The following PAX7 variants were observed in gnomAD, a reference collection of about 807,000 sequenced individuals.
PAX7 encodes the protein paired box 7, also known as paired box protein Pax-7.
A neutral mutation model predicts 50.7 loss-of-function variants in PAX7; 18 were observed. The observed-to-expected ratio is 0.36, with a 90% confidence interval of 0.25 to 0.53. PAX7 has a LOEUF of 0.53. Ranked by LOEUF, PAX7 falls within the 20% of genes least tolerant of loss-of-function variation. PAX7 has a pLI of 0.93. For missense variants in PAX7, 644 were observed against 702.9 expected (o/e 0.92, Z 0.95); for synonymous variants, 310 against 290.4 (o/e 1.07, Z -0.69).
At chr1:18,730,244 G>T (rs909517653) in intron 7 of PAX7, among the ~76,000 whole-genome samples, 1 of 152,214 alleles carries the variant, frequency 6.6e-6, no homozygotes, top group African/African-American at 2.4e-5. Flanking sequence ...GAAGGTTAAA[G>T]AAATTGCTCA....
intron 7 of PAX7, among the ~76,000 whole-genome samples, chr1:18,732,567 T>C (rs2089659422): frequency 6.6e-6 from 1 of 152,226 alleles, no homozygotes; most frequent in Non-Finnish European, 1.5e-5. Flanking sequence ...CTTCAAGAAA[T>C]ACCACATTGT....
chr1:18,669,668 G>T (rs1170229423), intron 4 of PAX7, among the ~76,000 whole-genome samples: 1 of 152,178 alleles, frequency 6.6e-6, no homozygotes, highest in Non-Finnish European at 1.5e-5. Context: ...AAAAAGGAAG[G>T]CTGGTGCCTG....
intron 7 of PAX7, among the ~76,000 whole-genome samples, chr1:18,715,887 T>C (rs767769924): frequency 3.3e-5 from 5 of 152,174 alleles, no homozygotes; most frequent in Non-Finnish European, 5.9e-5. Flanking sequence ...GCAGACCTCC[T>C]GTTGCAGAAT....
At chr1:18,679,113 G>A (rs1409821607) in intron 4 of PAX7, among the ~76,000 whole-genome samples, 3 of 152,206 alleles carry the variant, frequency 2.0e-5, no homozygotes, top group African/African-American at 7.2e-5. Flanking sequence ...TCTTCTCTGT[G>A]GCCTTCACAC....
At chr1:18,659,524 C>T (rs1226726618) in intron 4 of PAX7, among the ~76,000 whole-genome samples, 1 of 152,138 alleles carries the variant, frequency 6.6e-6, no homozygotes, top group Non-Finnish European at 1.5e-5. Context: ...CATTTACCTT[C>T]ACCTTCTAAG....
At chr1:18,635,933 C>T (rs1234679572) in intron 3 of PAX7, among the ~76,000 whole-genome samples, 1 of 151,918 alleles carries the variant, frequency 6.6e-6, no homozygotes, top group African/African-American at 2.4e-5. Context: ...TGGGACCTCT[C>T]GGGGGTGTGG....
chr1:18,657,103 C>A (rs1278102934), intron 4 of PAX7, among the ~76,000 whole-genome samples: 1 of 151,880 alleles, frequency 6.6e-6, no homozygotes, highest in African/African-American at 2.4e-5. Context: ...GTCCTTTTTT[C>A]TTTATTTCCC....
rs1346974530 is a variant in PAX7, at chr1:18,683,217, C to G, written c.587-8537C>G. ...CTGGGACTGAGTGAGCACACAGACACATTTGAAATGAATCAAGCGTGGATA... is the reference window on the plus strand; with the variant it reads ...CTGGGACTGAGTGAGCACACAGACAGATTTGAAATGAATCAAGCGTGGATA... On this transcript the variant is annotated intron_variant, in intron 4 of 8. Coordinates refer to ENST00000420770, the MANE Select transcript of PAX7 (RefSeq NM_001135254.2). 3.9e-5 allele frequency among the ~76,000 whole-genome samples: 6 copies of G among 152,214 alleles called. 1 individual carries two copies. Among genetic ancestry groups the G allele is most frequent in the Non-Finnish European group, 8.8e-5 (6 of 68,038 alleles).
intron 7 of PAX7, among the ~76,000 whole-genome samples, chr1:18,709,814 C>CTT (rs2089328500): frequency 6.6e-6 from 1 of 152,140 alleles, no homozygotes; most frequent in African/African-American, 2.4e-5. Flanking sequence ...GTTGTATCTG[C>CTT]CTGGTGAGGT....
rs35982827 is a variant in PAX7, at chr1:18,726,145, AGTGTGT to A, written c.1156-9458_1156-9453del. Among the ~76,000 whole-genome samples, 3,122 of 137,568 alleles carry A rather than the reference AGTGTGT, an allele frequency of 0.023. 79 individuals carry two copies. Among genetic ancestry groups the A allele is most frequent in the African/African-American group, 0.075 (2,755 of 36,668 alleles). The allele number at this position is 137,568 out of a possible 152,430, so 90.2% of individuals were successfully genotyped here. A position where few individuals can be genotyped will look rare whatever the true frequency, so the allele number is the denominator to read the frequency against. ...ATAAAACAGACATTGGAAGAGTGTG[AGTGTGT>A]GTGTGTGTGTGTGTGTGTGTGTGTG... On this transcript the variant is annotated intron_variant, in intron 7 of 8. Transcript: ENST00000420770. This position sits in a 1 kb window ranked among gnomAD's most constrained non-coding sequence, Gnocchi z 4.8.
intron 4 of PAX7, among the ~76,000 whole-genome samples, chr1:18,681,607 A>T (rs146588409): frequency 6.6e-6 from 1 of 152,336 alleles, no homozygotes; most frequent in Non-Finnish European, 1.5e-5. Flanking sequence ...TGCTGCTAGC[A>T]GAGAGCCAGG....
chr1:18,637,860 G>T (rs1391955713), intron 4 of PAX7, among the ~76,000 whole-genome samples: 1 of 152,226 alleles, frequency 6.6e-6, no homozygotes. Context: ...CAGCTGTGCC[G>T]GGCGCCCCGC....
chr1:18,676,454 C>T lies in PAX7; in HGVS notation c.587-15300C>T, dbSNP rs554898934. 1.6e-3 allele frequency among the ~76,000 whole-genome samples: 224 copies of T among 139,132 alleles called. 1 individual carries two copies. The highest frequency in any genetic ancestry group is 4.4e-3 in the South Asian group (19 of 4,344). 91.3% of individuals were successfully genotyped at this position (139,132 alleles called of 152,430 possible). A position where few individuals can be genotyped will look rare whatever the true frequency, so the allele number is the denominator to read the frequency against. On this transcript the variant is annotated intron_variant, in intron 4 of 8. Coordinates refer to ENST00000420770, the MANE Select transcript of PAX7 (RefSeq NM_001135254.2). Reference sequence around the variant, plus strand: ...CCATGAAAGGCCTCTCGCTGCCCAGCGACCAGCCGGAGACACAAGAGGCCC... The same window carrying T: ...CCATGAAAGGCCTCTCGCTGCCCAGTGACCAGCCGGAGACACAAGAGGCCC...
chr1:18,737,483 A>G (rs1217339827), intron 8 of PAX7, among the ~76,000 whole-genome samples: 1 of 152,240 alleles, frequency 6.6e-6, no homozygotes, highest in Non-Finnish European at 1.5e-5. Context: ...GTATGTACAC[A>G]TGTGTGTATG....
chr1:18,734,683 A>G (rs1004211299), intron 7 of PAX7, among the ~76,000 whole-genome samples: 8 of 151,748 alleles, frequency 5.3e-5, no homozygotes, highest in African/African-American at 1.7e-4. Flanking sequence ...CTGTATCACT[A>G]CTCCATGTCT....
At position 18,631,484 on chromosome 1, in the gene PAX7, A is replaced by G. The variant is rs893481005; in HGVS notation, c.-120A>G. 1 of 798,630 alleles carries G rather than the reference A, an allele frequency of 1.3e-6. No individual in the cohort carries two copies. The highest frequency in any genetic ancestry group is 2.1e-6 in the Non-Finnish European group (1 of 475,724). 49.5% of individuals were successfully genotyped at this position (798,630 alleles called of 1,614,324 possible). ...TAGGGAGTGTGTGTGGAGGGGAGGGAGAAGAGGTTAAAAAAAAGAAGACGA... is the reference window on the plus strand; with the variant it reads ...TAGGGAGTGTGTGTGGAGGGGAGGGGGAAGAGGTTAAAAAAAAGAAGACGA... On this transcript the variant is annotated 5_prime_UTR_variant, in exon 1 of 9. Coordinates refer to ENST00000420770, the MANE Select transcript of PAX7 (RefSeq NM_001135254.2).
chr1:18,710,344 C>T (rs1029219688), intron 7 of PAX7, among the ~76,000 whole-genome samples: 1 of 152,190 alleles, frequency 6.6e-6, no homozygotes, highest in Non-Finnish European at 1.5e-5. Context: ...AGCAGTGCCA[C>T]TCACACAGTG....
intron 6 of PAX7, among the ~76,000 whole-genome samples, chr1:18,702,103 C>T (rs1224289950): frequency 6.6e-6 from 1 of 151,686 alleles, no homozygotes; most frequent in African/African-American, 2.4e-5. Flanking sequence ...GAGGCTGAGG[C>T]GGGCGGATCT....
chr1:18,735,694 C>T lies in PAX7; in HGVS notation c.1218C>T (p.Ile406=). The T allele has an allele frequency of 1.2e-6, 2 of 1,614,166 alleles. No individual in the cohort carries two copies. The highest frequency in any genetic ancestry group is 8.5e-7 in the Non-Finnish European group (1 of 1,180,030). ...VPPQPQADFS[I]SPLHGGLDSA... ...CGCAGCCACAGGCTGACTTCTCCAT[C>T]TCCCCGCTGCATGGCGGCCTGGACT... The change falls in exon 8 of 9, where the codon ATC becomes ATT. Residue 406 remains isoleucine (I), a synonymous_variant. Coordinates refer to ENST00000420770, the MANE Select transcript of PAX7 (RefSeq NM_001135254.2). The surrounding 1 kb of genome is among the most constrained non-coding windows in gnomAD (Gnocchi z 4.0).
Sources: allele counts gnomAD v4.1 joint callset (sites outside exome capture counted in the v4.1 genomes callset), GRCh38; gene constraint gnomAD v4.1.1; non-coding constraint Gnocchi (gnomAD v3.1); transcripts MANE v1.5; gene names NCBI Gene and HGNC (gene_info 2026-07-23, HGNC 2026-07-21).